Variants in NXPH1 observed in about 807,000 individuals in gnomAD.
The protein encoded by NXPH1 is neurexophilin 1.
Under a neutral mutation model 23.7 loss-of-function variants are expected in NXPH1, and 5 were observed. The ratio of observed to expected loss-of-function variants is 0.21; its 90% CI spans 0.11 to 0.44. The LOEUF is 0.44. NXPH1 is among the 20% of genes least tolerant of loss of function. The pLI is 0.99. For missense variants in NXPH1, 324 were observed against 321.6 expected, an observed-to-expected ratio of 1.01 and a Z score of -0.06; for synonymous variants, 144 against 122.2, an observed-to-expected ratio of 1.18 and a Z score of -1.18.
At chr7:8,643,162 CAGGCATACACTTTT>C (rs1820344950) in intron 2 of NXPH1, among the ~76,000 whole-genome samples, 2 of 99,678 alleles carry the variant, frequency 2.0e-5, no homozygotes, top group South Asian at 7.8e-4. Flanking sequence ...CATGCCCGGC[CAGGCATACACTTTT>C]ATAAGTGAAG....
chr7:8,685,226 A>AT (rs1252172167), intron 2 of NXPH1, among the ~76,000 whole-genome samples: 2 of 151,510 alleles, frequency 1.3e-5, no homozygotes. Flanking sequence ...TTAATAGGTT[A>AT]TAATACCCTA....
chr7:8,648,886 G>A (rs545060684), intron 2 of NXPH1, among the ~76,000 whole-genome samples: 1 of 151,760 alleles, frequency 6.6e-6, no homozygotes, highest in Non-Finnish European at 1.5e-5. Context: ...TTTTATATAA[G>A]TATATACAAG....
intron 2 of NXPH1, among the ~76,000 whole-genome samples, chr7:8,568,289 G>A (rs986497889): frequency 3.3e-5 from 5 of 151,708 alleles, no homozygotes; most frequent in African/African-American, 9.7e-5. Context: ...CAATTTCCTC[G>A]AATAAATAGG....
At chr7:8,728,727 T>C (rs1250804550) in intron 2 of NXPH1, among the ~76,000 whole-genome samples, 1 of 152,182 alleles carries the variant, frequency 6.6e-6, no homozygotes, top group Non-Finnish European at 1.5e-5. Context: ...GATGTGCTGC[T>C]GGATTCTGTT....
intron 2 of NXPH1, among the ~76,000 whole-genome samples, chr7:8,462,156 C>G (rs180679623): frequency 3.0e-4 from 45 of 152,196 alleles, no homozygotes; most frequent in Non-Finnish European, 5.6e-4. Flanking sequence ...TCAAGTGATT[C>G]TCCCACCTCA....
At chr7:8,721,322 T>C (rs1779966496) in intron 2 of NXPH1, among the ~76,000 whole-genome samples, 1 of 152,128 alleles carries the variant, frequency 6.6e-6, no homozygotes, top group African/African-American at 2.4e-5. Flanking sequence ...TTGGTGAATC[T>C]CGGTAAATGG....
At chr7:8,612,978 T>C (rs1562426179) in intron 2 of NXPH1, among the ~76,000 whole-genome samples, 1 of 151,940 alleles carries the variant, frequency 6.6e-6, no homozygotes. Flanking sequence ...GAATGCAGAC[T>C]AACTTTCAAT....
At chr7:8,503,671 T>A (rs1817474868) in intron 2 of NXPH1, among the ~76,000 whole-genome samples, 1 of 151,706 alleles carries the variant, frequency 6.6e-6, no homozygotes, top group African/African-American at 2.4e-5. Context: ...TGTGAAGGAG[T>A]GGTTTGATCT....
chr7:8,675,773 A>G (rs1455956285), intron 2 of NXPH1, among the ~76,000 whole-genome samples: 2 of 152,176 alleles, frequency 1.3e-5, no homozygotes, highest in South Asian at 4.1e-4. Context: ...AGGATAACAC[A>G]TGGAAAGATA....
intron 2 of NXPH1, among the ~76,000 whole-genome samples, chr7:8,609,757 C>T (rs958772449): frequency 1.3e-5 from 2 of 152,096 alleles, no homozygotes; most frequent in African/African-American, 4.8e-5. Context: ...TTCTCCCAAG[C>T]TCTCAGAGCT....
At position 8,752,730 on chromosome 7, in the gene NXPH1, C is replaced by T. The variant is rs543652671; in HGVS notation, c.*961C>T. ...AGCTGCTTATTAATATTAACTTGTA[C>T]TTGTCTCTCTGCTTGTTATTGGTTA... On this transcript the variant is annotated 3_prime_UTR_variant, in exon 3 of 3. Coordinates refer to ENST00000405863, the MANE Select transcript of NXPH1 (RefSeq NM_152745.3). 6.6e-6 allele frequency: 1 copy of T among 152,240 alleles called. No homozygotes were observed. The highest frequency in any genetic ancestry group is 2.4e-5 in the African/African-American group (1 of 41,332). 9.4% of individuals were successfully genotyped at this position (152,240 alleles called of 1,614,324 possible). A position where few individuals can be genotyped will look rare whatever the true frequency, so the allele number is the denominator to read the frequency against.
intron 2 of NXPH1, among the ~76,000 whole-genome samples, chr7:8,528,070 C>T (rs1239967023): frequency 1.3e-5 from 2 of 152,210 alleles, no homozygotes; most frequent in East Asian, 3.9e-4. Context: ...GCTCCAAAAG[C>T]ACAATAACCG....
At chr7:8,527,480 T>C (rs1817881446) in intron 2 of NXPH1, among the ~76,000 whole-genome samples, 1 of 152,166 alleles carries the variant, frequency 6.6e-6, no homozygotes, top group Non-Finnish European at 1.5e-5. Context: ...CCTTAAAAAA[T>C]GACAGCATTA....
At chr7:8,510,908 A>C (rs1392111569) in intron 2 of NXPH1, among the ~76,000 whole-genome samples, 2 of 152,070 alleles carry the variant, frequency 1.3e-5, no homozygotes, top group Non-Finnish European at 2.9e-5. Flanking sequence ...GAACCCTTCC[A>C]TTGGAAGTTT....
intron 2 of NXPH1, among the ~76,000 whole-genome samples, chr7:8,735,744 C>T (rs1357217607): frequency 1.3e-5 from 2 of 152,084 alleles, no homozygotes; most frequent in Admixed American, 6.6e-5. Context: ...CGGTAGAATG[C>T]TACTGTGAAT....
intron 2 of NXPH1, among the ~76,000 whole-genome samples, chr7:8,743,228 T>A (rs1282251604): frequency 6.6e-6 from 1 of 152,138 alleles, no homozygotes; most frequent in African/African-American, 2.4e-5. Flanking sequence ...TTTGGTGAAA[T>A]AAATATAAAT....
At chr7:8,693,122 A>G (rs1488148883) in intron 2 of NXPH1, among the ~76,000 whole-genome samples, 1 of 152,172 alleles carries the variant, frequency 6.6e-6, no homozygotes, top group Non-Finnish European at 1.5e-5. Flanking sequence ...AAGAAGGGAG[A>G]GTCTCATTCT....
At chr7:8,615,383 C>T (rs1819713078) in intron 2 of NXPH1, among the ~76,000 whole-genome samples, 1 of 151,946 alleles carries the variant, frequency 6.6e-6, no homozygotes, top group East Asian at 1.9e-4. Flanking sequence ...TGATACAAAC[C>T]TCTTAAGGTT....
chr7:8,440,846 A>G (rs1006505792), intron 2 of NXPH1, among the ~76,000 whole-genome samples: 13 of 152,128 alleles, frequency 8.5e-5, no homozygotes, highest in African/African-American at 3.1e-4. Flanking sequence ...GTCCTGGAAT[A>G]CCAAGGTGCT....
Sources: allele counts gnomAD v4.1 joint callset (sites outside exome capture counted in the v4.1 genomes callset), GRCh38; gene constraint gnomAD v4.1.1; transcripts MANE v1.5; gene names NCBI Gene and HGNC (gene_info 2026-07-23, HGNC 2026-07-21).